Variants in MAPK4 observed in about 807,000 individuals in gnomAD.
The protein encoded by MAPK4 is Erk3-related.
MAPK4 carries 22 observed loss-of-function variants against 47.7 expected under a neutral mutation model. That is an observed-to-expected ratio of 0.46 (90% confidence interval 0.33 to 0.66). MAPK4 has a LOEUF of 0.66. MAPK4 is among the 30% of genes least tolerant of loss of function. MAPK4 has a pLI of 0.02. For missense variants in MAPK4, 736 were observed against 831.7 expected (o/e 0.88, Z 1.42); for synonymous variants, 390 against 365.7 (o/e 1.07, Z -0.76).
intron 1 of MAPK4, among the ~76,000 whole-genome samples, chr18:50,628,503 T>C (rs2042801515): frequency 6.6e-6 from 1 of 152,216 alleles, no homozygotes; most frequent in Non-Finnish European, 1.5e-5. Context: ...CCAAGTAGCA[T>C]GTAATATTTT....
chr18:50,560,381 C>A (rs952713102), intron 1 of MAPK4, 138 bp downstream of exon 1: 1 of 152,218 alleles, frequency 6.6e-6, no homozygotes, highest in South Asian at 2.1e-4. Flanking sequence ...AATAAGCCCC[C>A]CAGGCCAAGC....
chr18:50,692,202 G>A (rs1456481403), intron 2 of MAPK4, among the ~76,000 whole-genome samples: 1 of 152,222 alleles, frequency 6.6e-6, no homozygotes, highest in Non-Finnish European at 1.5e-5. Context: ...TGCTCCAGAA[G>A]CCACACTGCC....
intron 1 of MAPK4, among the ~76,000 whole-genome samples, chr18:50,600,513 G>A (rs1189176651): frequency 6.6e-6 from 1 of 152,108 alleles, no homozygotes; most frequent in African/African-American, 2.4e-5. Context: ...GTGGTGAGGT[G>A]GCTTCTCTAC....
At chr18:50,577,774 A>C (rs994781513) in intron 1 of MAPK4, among the ~76,000 whole-genome samples, 18 of 152,168 alleles carry the variant, frequency 1.2e-4, no homozygotes, top group African/African-American at 4.3e-4. Flanking sequence ...AAACCTAATA[A>C]ATTCAGCTCA....
At chr18:50,649,501 C>G (rs2043025323) in intron 1 of MAPK4, among the ~76,000 whole-genome samples, 1 of 152,158 alleles carries the variant, frequency 6.6e-6, no homozygotes, top group Admixed American at 6.5e-5. Flanking sequence ...GTGATCAACA[C>G]AGGAGAGGCA....
intron 3 of MAPK4, 76 bp from the exon 4 acceptor site, chr18:50,721,862 C>T: frequency 1.3e-6 from 2 of 1,483,544 alleles, no homozygotes; most frequent in African/African-American, 1.4e-5. Flanking sequence ...CCCAGAACAC[C>T]TGGCACTGCT....
intron 1 of MAPK4, among the ~76,000 whole-genome samples, chr18:50,608,193 TTC>T (rs2149375799): frequency 1.3e-5 from 2 of 152,354 alleles, no homozygotes; most frequent in South Asian, 4.1e-4. Flanking sequence ...TGTTTACTCA[TTC>T]TCCCCCTGCT....
chr18:50,694,722 T>C (rs1240653006), intron 2 of MAPK4, among the ~76,000 whole-genome samples: 1 of 152,164 alleles, frequency 6.6e-6, no homozygotes, highest in Non-Finnish European at 1.5e-5. Flanking sequence ...TCCAGGAAGA[T>C]TGGGACCTGC....
At chr18:50,654,377 G>A (rs755587672) in intron 1 of MAPK4, among the ~76,000 whole-genome samples, 8 of 152,240 alleles carry the variant, frequency 5.3e-5, no homozygotes, top group African/African-American at 1.9e-4. Context: ...CAGTGTGGGA[G>A]AATTAAAGAT....
At chr18:50,651,273 G>A (rs767287717) in intron 1 of MAPK4, among the ~76,000 whole-genome samples, 9 of 152,076 alleles carry the variant, frequency 5.9e-5, no homozygotes, top group African/African-American at 9.7e-5. Context: ...GCACCCAGTC[G>A]GTGGAGCCTC....
In MAPK4 at chr18:50,601,370, C is replaced by T. The variant is rs1322524252; in HGVS notation, c.-871+41127C>T. Among the ~76,000 whole-genome samples the T allele has an allele frequency of 7.4e-5, 11 of 148,480 alleles. No homozygotes were observed. In the East Asian group the frequency reaches 7.9e-4, roughly 11 times the overall value. On this transcript the variant is annotated intron_variant, in intron 1 of 5. Coordinates refer to ENST00000400384, the MANE Select transcript of MAPK4 (RefSeq NM_002747.4). ...AAAAAAAAAAAAAAAGTTAGGGTGC[C>T]GTTGATTGATCTGTTTTGTCCTAGT...
rs1907498605 is a variant in MAPK4 at position 50,664,653 on chromosome 18, C to T, written c.546+149C>T. ...TGGAGGGTGCTAGGAAGATCACTAG[C>T]CTGAAAAGTTGTTGGAGGCGTGGAG... On this transcript the variant is annotated intron_variant, in intron 2 of 5. Transcript: ENST00000400384. This position sits in a 1 kb window ranked among gnomAD's most constrained non-coding sequence, Gnocchi z 6.0. The T allele has an allele frequency of 3.4e-6, 3 of 888,518 alleles. No individual in the cohort carries two copies. Among genetic ancestry groups the T allele is most frequent in the Non-Finnish European group, 3.3e-6 (2 of 607,892 alleles). 55.0% of individuals were successfully genotyped at this position (888,518 alleles called of 1,614,324 possible).
At chr18:50,687,355 C>T (rs1443966575) in intron 2 of MAPK4, among the ~76,000 whole-genome samples, 3 of 152,128 alleles carry the variant, frequency 2.0e-5, no homozygotes, top group Non-Finnish European at 2.9e-5. Context: ...CATCCTTGGC[C>T]GCTACTTACT....
At chr18:50,622,885 T>G (rs1186995110) in intron 1 of MAPK4, among the ~76,000 whole-genome samples, 2 of 152,240 alleles carry the variant, frequency 1.3e-5, no homozygotes, top group Non-Finnish European at 1.5e-5. Context: ...AGCCAATTAA[T>G]GATTGTCGGG....
intron 3 of MAPK4, among the ~76,000 whole-genome samples, chr18:50,719,959 A>C (rs1263624104): frequency 2.0e-5 from 3 of 152,160 alleles, no homozygotes; most frequent in Non-Finnish European, 4.4e-5. Context: ...CCTTCCCCGG[A>C]AGTCCTTCCA....
At chr18:50,594,203 C>G (rs945749716) in intron 1 of MAPK4, among the ~76,000 whole-genome samples, 4 of 152,224 alleles carry the variant, frequency 2.6e-5, no homozygotes, top group African/African-American at 9.6e-5. Flanking sequence ...TCTAGCCGCG[C>G]TGGCAGCCAA....
At chr18:50,660,727 T>A (rs2043161634) in intron 1 of MAPK4, among the ~76,000 whole-genome samples, 2 of 152,146 alleles carry the variant, frequency 1.3e-5, no homozygotes, top group African/African-American at 4.8e-5. Context: ...TGATAGGATT[T>A]CAACAAATGG....
intron 1 of MAPK4, among the ~76,000 whole-genome samples, chr18:50,573,783 A>G (rs1471462977): frequency 6.6e-6 from 1 of 152,252 alleles, no homozygotes; most frequent in Non-Finnish European, 1.5e-5. Flanking sequence ...ACATATGGTC[A>G]ATATAGGTCA....
Position 50,729,765 on chromosome 18 carries a change from A to G in MAPK4, c.1675A>G (p.Asn559Asp). 6.2e-7 allele frequency: 1 copy of G among 1,611,558 alleles called. No homozygotes were observed. Among genetic ancestry groups the G allele is most frequent in the Non-Finnish European group, 8.5e-7 (1 of 1,179,520 alleles). The change falls in exon 6 of 6, where the codon AAT becomes GAT. Residue 559 changes from asparagine to aspartate, a missense_variant. Coordinates refer to ENST00000400384, the MANE Select transcript of MAPK4 (RefSeq NM_002747.4). ...CACCAAGCCCGAGGACCTGCCGGAC[A>G]ATAAACTGGGCGACCTCAATGGTGC... ...LCTKPEDLPD[N>D]KLGDLNGACI...
Sources: allele counts gnomAD v4.1 joint callset (sites outside exome capture counted in the v4.1 genomes callset), GRCh38; gene constraint gnomAD v4.1.1; non-coding constraint Gnocchi (gnomAD v3.1); transcripts MANE v1.5; gene names NCBI Gene and HGNC (gene_info 2026-07-23, HGNC 2026-07-21).